The following PTGER3 variants were observed in gnomAD, a reference collection of about 807,000 sequenced individuals.
PTGER3 encodes prostaglandin E receptor 3, also known as prostaglandin E2 receptor EP3 subtype.
PTGER3 carries 22 observed loss-of-function variants against 34.7 expected under a neutral mutation model. That is an observed-to-expected ratio of 0.63 (90% CI 0.45 to 0.91). The LOEUF (loss-of-function observed/expected upper bound fraction) is 0.91, where lower values mean the gene tolerates loss of function less well. PTGER3 is among the 40% of genes least tolerant of loss of function. The pLI is 0.00. For synonymous variants in PTGER3, 241 were observed against 230.1 expected, an observed-to-expected ratio of 1.05 and a Z score of -0.43; for missense variants, 468 against 519.4, an observed-to-expected ratio of 0.90 and a Z score of 0.96.
At position 70,869,275 on chromosome 1, in the gene PTGER3, CTGCCTCCA is replaced by C. The variant is rs1432830426; in HGVS notation, c.*24-16424_*24-16417del. The C allele has an allele frequency of 1.1e-5, 5 of 471,552 alleles. No homozygotes were observed. In the East Asian group the frequency reaches 3.5e-4, roughly 33 times the overall value. 29.2% of individuals were successfully genotyped at this position (471,552 alleles called of 1,614,324 possible). On this transcript the variant is annotated intron_variant, in intron 4 of 4. Coordinates refer to the PTGER3 transcript ENST00000370931. ...GAGAACTGCACCAAGTCCTGGGGACCTGCCTCCATGCATGACAAAAACACCTTCCATCA... is the reference window on the plus strand; with the variant it reads ...GAGAACTGCACCAAGTCCTGGGGACCTGCATGACAAAAACACCTTCCATCA...
chr1:71,032,458 T>C (rs543223679), intron 1 of PTGER3, among the ~76,000 whole-genome samples: 3 of 152,364 alleles, frequency 2.0e-5, no homozygotes, highest in South Asian at 2.1e-4. Flanking sequence ...TGTATTATTA[T>C]AAAAGCAAAA....
intron 2 of PTGER3, among the ~76,000 whole-genome samples, chr1:70,963,215 T>C (rs509789): frequency 0.62 from 93,634 of 151,992 alleles, 29,185 homozygotes; most frequent in East Asian, 0.72. Context: ...GTACATCCCC[T>C]CTCCTGACTG....
chr1:71,047,132 C>G lies in PTGER3; in HGVS notation c.446G>C (p.Ser149Thr). 6.2e-7 allele frequency: 1 copy of G among 1,602,284 alleles called. No homozygotes were observed. The stretch of plus-strand genomic sequence containing the variant: ...CAGCGCCCGCTCGACGGCCATGGCG[C>G]TGGCGATGAACAACGAGGAGAGCCC... ...VFGLSSLFIA[S>T]AMAVERALAI... The change falls in exon 1 of 4, where the codon AGC becomes ACC. Residue 149 changes from serine (S) to threonine (T), a missense_variant. By Grantham distance (58) the Ser-to-Thr change is moderately conservative. This residue lies in a region of PTGER3 where 53 missense variants were observed against 93.9 expected (regional missense o/e 0.56). Transcript: ENST00000306666.
At chr1:70,864,659 C>A (rs1476733104) in intron 4 of PTGER3, among the ~76,000 whole-genome samples, 1 of 152,162 alleles carries the variant, frequency 6.6e-6, no homozygotes, top group African/African-American at 2.4e-5. Context: ...TCGAGATGCT[C>A]ACAGTTGGCA....
At chr1:70,995,276 G>A (rs759135060) in intron 2 of PTGER3, among the ~76,000 whole-genome samples, 2 of 152,148 alleles carry the variant, frequency 1.3e-5, no homozygotes, top group Non-Finnish European at 2.9e-5. Context: ...AAAAAGGCTG[G>A]TATCAGTGTT....
intron 1 of PTGER3, among the ~76,000 whole-genome samples, chr1:71,036,665 C>T (rs990527936): frequency 1.3e-5 from 2 of 151,918 alleles, no homozygotes; most frequent in Admixed American, 6.6e-5. Context: ...ACGGTGAAAC[C>T]CCGTCTCTAC....
intron 4 of PTGER3, among the ~76,000 whole-genome samples, chr1:70,946,807 T>G (rs577049578): frequency 6.6e-6 from 1 of 152,206 alleles, no homozygotes; most frequent in African/African-American, 2.4e-5. Context: ...TTGGCTGGGG[T>G]CCTGACCATT....
chr1:70,912,633 T>G (rs769135227), intron 4 of PTGER3, among the ~76,000 whole-genome samples: 3 of 152,108 alleles, frequency 2.0e-5, no homozygotes, highest in Non-Finnish European at 4.4e-5. Flanking sequence ...GGAACCAACA[T>G]ATAAGCCCTG....
chr1:70,864,650 C>T (rs1557612793), intron 4 of PTGER3, among the ~76,000 whole-genome samples: 2 of 152,180 alleles, frequency 1.3e-5, no homozygotes, highest in South Asian at 2.1e-4. Flanking sequence ...TCCCTCAAAT[C>T]GAGATGCTCA....
chr1:70,934,947 T>C (rs575338019), intron 4 of PTGER3, among the ~76,000 whole-genome samples: 1 of 152,314 alleles, frequency 6.6e-6, no homozygotes, highest in African/African-American at 2.4e-5. Context: ...AGTTCTAAAC[T>C]TTCCCTTTTG....
intron 4 of PTGER3, among the ~76,000 whole-genome samples, chr1:70,885,472 A>T (rs1646479046): frequency 6.6e-6 from 1 of 152,246 alleles, no homozygotes; most frequent in African/African-American, 2.4e-5. Context: ...AACAAGATAT[A>T]GATGCAAAAA....
At chr1:70,951,488 T>C (rs1182548681), downstream of PTGER3, 1 of 152,232 alleles carries the variant, frequency 6.6e-6, no homozygotes, top group Non-Finnish European at 1.5e-5. Flanking sequence ...CTTTGCCTTT[T>C]ACTTTGGATT....
intron 4 of PTGER3, chr1:70,852,879 A>G: frequency 6.2e-7 from 1 of 1,611,632 alleles, no homozygotes. Context: ...AAACAAATCA[A>G]TTAGGATAGC....
intron 1 of PTGER3, among the ~76,000 whole-genome samples, chr1:71,026,259 G>A (rs1572966943): frequency 6.6e-6 from 1 of 152,252 alleles, no homozygotes; most frequent in South Asian, 2.1e-4. Context: ...CACAGTCCCT[G>A]ACCTATATAA....
At chr1:70,914,360 G>A (rs930672335) in intron 4 of PTGER3, among the ~76,000 whole-genome samples, 2 of 151,754 alleles carry the variant, frequency 1.3e-5, no homozygotes, top group Non-Finnish European at 2.9e-5. Flanking sequence ...GCACATTGCT[G>A]GAACAGAGTT....
exon 5 of PTGER3, chr1:70,852,525 T>A: frequency 2.5e-6 from 1 of 395,066 alleles, no homozygotes. Context: ...TGTTTCAATG[T>A]GGATAAATCT....
chr1:70,998,619 C>A (rs906445006), intron 2 of PTGER3, among the ~76,000 whole-genome samples: 5 of 152,194 alleles, frequency 3.3e-5, no homozygotes, highest in African/African-American at 1.2e-4. Flanking sequence ...CAAGTTGTTA[C>A]TGCTGTGAAT....
chr1:70,861,585 T>TTG (rs1645928367), intron 4 of PTGER3, among the ~76,000 whole-genome samples: 1 of 152,116 alleles, frequency 6.6e-6, no homozygotes, highest in African/African-American at 2.4e-5. Context: ...TGCACAATCA[T>TTG]TGTGTGTCAA....
intron 2 of PTGER3, among the ~76,000 whole-genome samples, chr1:70,980,697 A>T (rs185867278): frequency 6.6e-5 from 10 of 152,282 alleles, no homozygotes; most frequent in Admixed American, 5.9e-4. Context: ...TGATGCAATG[A>T]CACAAAGTAA....
Sources: gnomAD v4.1 joint callset for allele counts (sites outside exome capture counted in the v4.1 genomes callset) on GRCh38, gnomAD v4.1.1 for gene constraint, gnomAD v4.1.1 regional missense constraint, MANE v1.5 for transcripts, NCBI Gene and HGNC (gene_info 2026-07-23, HGNC 2026-07-21) for gene names.